OPCML: variants seen among roughly 807,000 people sequenced by gnomAD.
OPCML encodes opioid-binding protein/cell adhesion molecule.
OPCML carries 13 observed loss-of-function variants against 37.8 expected under a neutral mutation model. The observed-to-expected ratio is 0.34, with a 90% CI of 0.22 to 0.55. The LOEUF (loss-of-function observed/expected upper bound fraction) is 0.55. OPCML is among the 20% of genes least tolerant of loss of function. The pLI is 0.91. For missense variants in OPCML, 341 were observed against 435.6 expected, an observed-to-expected ratio of 0.78 and a Z score of 1.93; for synonymous variants, 176 against 168.8, an observed-to-expected ratio of 1.04 and a Z score of -0.33.
At chr11:133,329,304 G>A (rs1272361618) in intron 1 of OPCML, among the ~76,000 whole-genome samples, 1 of 152,150 alleles carries the variant, frequency 6.6e-6, no homozygotes, top group South Asian at 2.1e-4. Flanking sequence ...AGCTACCAAT[G>A]ACTATCTTCA....
intron 1 of OPCML, among the ~76,000 whole-genome samples, chr11:133,519,896 C>T (rs897353645): frequency 5.9e-5 from 9 of 152,226 alleles, no homozygotes; most frequent in Admixed American, 3.3e-4. Flanking sequence ...ATCAACATAG[C>T]TTCTGCTGCA....
At chr11:132,825,358 A>G (rs1384726488) in intron 2 of OPCML, among the ~76,000 whole-genome samples, 1 of 152,136 alleles carries the variant, frequency 6.6e-6, no homozygotes. Context: ...CTGCCCTGAT[A>G]TTTGAGACCA....
intron 1 of OPCML, among the ~76,000 whole-genome samples, chr11:133,529,055 C>T (rs1476270682): frequency 2.0e-5 from 3 of 152,182 alleles, no homozygotes; most frequent in African/African-American, 7.2e-5. Context: ...TGCCCCATGG[C>T]CACAGAGCCA....
intron 2 of OPCML, among the ~76,000 whole-genome samples, chr11:132,680,051 T>C (rs1203657056): frequency 1.3e-5 from 2 of 152,190 alleles, no homozygotes; most frequent in Non-Finnish European, 2.9e-5. Context: ...TCAACCCACA[T>C]GTATTCCAGA....
intron 1 of OPCML, among the ~76,000 whole-genome samples, chr11:133,029,670 G>C (rs1393963893): frequency 6.6e-5 from 10 of 152,040 alleles, no homozygotes; most frequent in African/African-American, 1.9e-4. Context: ...GCTAACCCTT[G>C]GGTACACATG....
At chr11:132,735,675 C>G (rs572517208) in intron 2 of OPCML, among the ~76,000 whole-genome samples, 2 of 151,906 alleles carry the variant, frequency 1.3e-5, no homozygotes, top group African/African-American at 4.8e-5. Context: ...AGTAGAGACG[C>G]GGTTTCACTA....
intron 1 of OPCML, among the ~76,000 whole-genome samples, chr11:133,020,464 A>T (rs948471811): frequency 6.6e-6 from 1 of 152,232 alleles, no homozygotes; most frequent in Non-Finnish European, 1.5e-5. Context: ...ATCCCAGTTC[A>T]GAAGCCTCCT....
chr11:133,201,947 G>A (rs186322026), intron 1 of OPCML, among the ~76,000 whole-genome samples: 56 of 152,180 alleles, frequency 3.7e-4, no homozygotes, highest in African/African-American at 1.1e-3. Flanking sequence ...TATGAATCTG[G>A]TATTGTTCAA....
intron 2 of OPCML, among the ~76,000 whole-genome samples, chr11:132,720,883 T>C (rs917862220): frequency 6.6e-6 from 1 of 152,054 alleles, no homozygotes; most frequent in African/African-American, 2.4e-5. Context: ...TGTCATTTTT[T>C]TCCCTAATAG....
intron 2 of OPCML, among the ~76,000 whole-genome samples, chr11:132,696,514 A>C (rs1591743269): frequency 6.6e-6 from 1 of 152,328 alleles, no homozygotes; most frequent in East Asian, 1.9e-4. Flanking sequence ...CAATAAGATA[A>C]ATAAATAGAT....
At chr11:133,181,484 G>C (rs542836493) in intron 1 of OPCML, among the ~76,000 whole-genome samples, 31 of 152,134 alleles carry the variant, frequency 2.0e-4, no homozygotes, top group African/African-American at 6.7e-4. Flanking sequence ...TTTACAAAGT[G>C]GGGGGAATAT....
At chr11:132,664,199 A>C (rs1942123731) in intron 2 of OPCML, among the ~76,000 whole-genome samples, 1 of 152,198 alleles carries the variant, frequency 6.6e-6, no homozygotes, top group African/African-American at 2.4e-5. Flanking sequence ...CAGAAGTTAC[A>C]GTCATATCAG....
chr11:132,982,677 G>T (rs1362582998), intron 1 of OPCML, among the ~76,000 whole-genome samples: 1 of 152,140 alleles, frequency 6.6e-6, no homozygotes, highest in African/African-American at 2.4e-5. Flanking sequence ...TGGATATGTG[G>T]TCATCTCTAA....
At chr11:133,279,867 A>T (rs1942096932) in intron 1 of OPCML, among the ~76,000 whole-genome samples, 1 of 152,188 alleles carries the variant, frequency 6.6e-6, no homozygotes, top group Admixed American at 6.5e-5. Flanking sequence ...GATTTAGTAG[A>T]TAGTGGTGTA....
intron 1 of OPCML, among the ~76,000 whole-genome samples, chr11:133,113,923 G>A (rs1476740474): frequency 6.6e-6 from 1 of 152,202 alleles, no homozygotes; most frequent in Admixed American, 6.5e-5. Context: ...TAGAAAAGCA[G>A]TGCAAGCTTT....
intron 1 of OPCML, among the ~76,000 whole-genome samples, chr11:133,463,912 C>T (rs578208595): frequency 6.6e-5 from 10 of 152,230 alleles, no homozygotes; most frequent in East Asian, 1.9e-4. Flanking sequence ...GCAATTGACC[C>T]GGGCCACATC....
At chr11:132,926,700 A>G (rs1945005190) in intron 2 of OPCML, among the ~76,000 whole-genome samples, 1 of 152,114 alleles carries the variant, frequency 6.6e-6, no homozygotes, top group Non-Finnish European at 1.5e-5. Context: ...TGCCCCATTC[A>G]AAGGAAAAAA....
rs912573634 is a variant in OPCML at position 133,004,201 on chromosome 11, G to T, written c.62-61191C>A. On this transcript the variant is annotated intron_variant, in intron 1 of 7. Transcript: ENST00000524381. ...GTCTCATCTGAGGCCTCCTCCATCT[G>T]CCTTGCCTGAGAGTCACTTTCCATT... 3 of 985,346 alleles carry T rather than the reference G, an allele frequency of 3.0e-6. No homozygotes were observed. In the African/African-American group the frequency reaches 5.2e-5, roughly 17 times the overall value. 61.0% of individuals were successfully genotyped at this position (985,346 alleles called of 1,614,324 possible).
At chr11:132,962,387 A>T (rs1946112986) in intron 1 of OPCML, among the ~76,000 whole-genome samples, 1 of 152,218 alleles carries the variant, frequency 6.6e-6, no homozygotes, top group Non-Finnish European at 1.5e-5. Context: ...CTGGGAACTC[A>T]CATTCGTTTG....
Sources: allele counts gnomAD v4.1 joint callset (sites outside exome capture counted in the v4.1 genomes callset), GRCh38; gene constraint gnomAD v4.1.1; transcripts MANE v1.5; gene names NCBI Gene and HGNC (gene_info 2026-07-23, HGNC 2026-07-21).